The following WWP1 variants were observed in gnomAD, a reference collection of about 807,000 sequenced individuals.
WWP1 encodes the protein NEDD4-like E3 ubiquitin-protein ligase WWP1.
A neutral mutation model predicts 130.6 loss-of-function variants in WWP1; 49 were observed. The ratio of observed to expected loss-of-function variants is 0.38; its 90% confidence interval spans 0.30 to 0.48. The LOEUF (loss-of-function observed/expected upper bound fraction) is 0.48, where lower values mean the gene tolerates loss of function less well. Ranked by LOEUF, WWP1 falls within the 20% of genes least tolerant of loss-of-function variation. The pLI, the probability that WWP1 is intolerant of heterozygous loss-of-function variation, is 0.99. For synonymous variants in WWP1, 332 were observed against 367.8 expected (o/e 0.90, Z 1.11); for missense variants, 809 against 1,100.6 (o/e 0.74, Z 3.75).
chr8:86,399,496 A>G (rs931688380), intron 7 of WWP1, among the ~76,000 whole-genome samples: 1 of 152,260 alleles, frequency 6.6e-6, no homozygotes, highest in South Asian at 2.1e-4. Flanking sequence ...TTGAAAAAGC[A>G]TGCTAGTATA....
At chr8:86,365,214 A>G (rs1823904870) in intron 1 of WWP1, among the ~76,000 whole-genome samples, 1 of 152,240 alleles carries the variant, frequency 6.6e-6, no homozygotes, top group Non-Finnish European at 1.5e-5. Context: ...GGGTATTCAT[A>G]CTAACTTAGG....
chr8:86,352,867 T>C (rs986337175), intron 1 of WWP1, among the ~76,000 whole-genome samples: 2 of 152,238 alleles, frequency 1.3e-5, no homozygotes, highest in Non-Finnish European at 2.9e-5. Context: ...TTAGGCTTCC[T>C]TGTTCAAAAC....
intron 24 of WWP1, among the ~76,000 whole-genome samples, chr8:86,465,566 G>A (rs946182662): frequency 4.6e-5 from 7 of 152,096 alleles, no homozygotes; most frequent in Admixed American, 3.9e-4. Flanking sequence ...CTGGGAGGTC[G>A]AGGTCGCAGT....
intron 8 of WWP1, among the ~76,000 whole-genome samples, chr8:86,410,517 CAT>C (rs1393669079): frequency 6.6e-6 from 1 of 152,022 alleles, no homozygotes; most frequent in Non-Finnish European, 1.5e-5. Flanking sequence ...GTAAAAAAAT[CAT>C]ATGCATTTGT....
Position 86,458,005 on chromosome 8 carries a change from C to G in WWP1, c.2479C>G (p.Gln827Glu). The change falls in exon 22 of 25, where the codon CAA becomes GAA. Residue 827 changes from glutamine to glutamate, a missense_variant. Physicochemically the swap from Gln to Glu is conservative, Grantham distance 29. Around this residue, in one of 3 missense-constraint regions of WWP1, gnomAD observed 450 missense variants for 674.2 expected, o/e 0.67. Coordinates refer to ENST00000517970, the MANE Select transcript of WWP1 (RefSeq NM_007013.4). ...TCGACATTATACAAGAAACAGCAAG[C>G]AAATCATTTGGTTTTGGCAGGTATT... ...VYRHYTRNSK[Q>E]IIWFWQFVKE... is the part of the protein sequence containing the mutation. The G allele has an allele frequency of 6.2e-7, 1 of 1,611,434 alleles. No individual in the cohort carries two copies. Among genetic ancestry groups the G allele is most frequent in the Non-Finnish European group, 8.5e-7 (1 of 1,178,076 alleles).
Position 86,375,666 on chromosome 8 carries a change from G to A in WWP1, c.70+1546G>A, listed in dbSNP as rs547350857. ...TGAATAGATGTAAAAAAGCTAACTA[G>A]TCTCCTTTTGCTGGACATTGGCGTT... is the stretch of plus-strand genomic sequence containing the variant. On this transcript the variant is annotated intron_variant, in intron 3 of 24. Transcript: ENST00000517970. Among the ~76,000 whole-genome samples the A allele has an allele frequency of 2.6e-5, 4 of 152,166 alleles. No homozygotes were observed. In the South Asian group the frequency reaches 8.3e-4, roughly 32 times the overall value.
rs987983093 is a variant in WWP1, at chr8:86,342,691, G to T, written c.-354G>T. 1 of 329,878 alleles carries T rather than the reference G, an allele frequency of 3.0e-6. No individual in the cohort carries two copies. Among genetic ancestry groups the T allele is most frequent in the East Asian group, 4.6e-5 (1 of 21,918 alleles). 20.4% of individuals were successfully genotyped at this position (329,878 alleles called of 1,614,324 possible). A position where few individuals can be genotyped will look rare whatever the true frequency, so the allele number is the denominator to read the frequency against. On this transcript the variant is annotated 5_prime_UTR_variant, in exon 1 of 25. Coordinates refer to ENST00000517970, the MANE Select transcript of WWP1 (RefSeq NM_007013.4). ...GAGGAAGGGAGGTGTGGGGTCGGCT[G>T]GGGGTGGCGCGTGGACGGGGTGGGG...
Position 86,381,608 on chromosome 8 carries a change from C to T in WWP1, c.313C>T (p.Leu105=). The T allele has an allele frequency of 6.2e-7, 1 of 1,603,326 alleles. No individual in the cohort carries two copies. The highest frequency in any genetic ancestry group is 1.3e-5 in the African/African-American group (1 of 74,308). The change falls in exon 5 of 25, where the codon CTG becomes TTG. Residue 105 remains leucine (L), a synonymous_variant. Coordinates refer to ENST00000517970, the MANE Select transcript of WWP1 (RefSeq NM_007013.4). ...GKATIDLKQA[L]LIHNRKLERV... is the part of the protein sequence containing the mutation. ...AGCAACGATAGATTTGAAACAAGCT[C>T]TGTTGATACACAATAGAAAATGTAA...
chr8:86,376,207 T>C (rs972915739), intron 3 of WWP1, among the ~76,000 whole-genome samples: 2 of 152,222 alleles, frequency 1.3e-5, no homozygotes, highest in Non-Finnish European at 2.9e-5. Flanking sequence ...GTAGGACCAA[T>C]GGACAGTACA....
At position 86,461,754 on chromosome 8, in the gene WWP1, G is replaced by C; in HGVS notation, c.2597-20G>C. 1.9e-6 allele frequency: 3 copies of C among 1,608,344 alleles called. No individual in the cohort carries two copies. The East Asian group carries it at 6.7e-5, about 36-fold the overall frequency. On this transcript the variant is annotated intron_variant, in intron 23 of 24. Coordinates refer to ENST00000517970, the MANE Select transcript of WWP1 (RefSeq NM_007013.4). ...AAGTTTAAAGGACCAGATAAACTTT[G>C]TCTTATTTTCTTGGTGTAGGAAGTA...
chr8:86,437,756 CAT>C (rs954072757), intron 16 of WWP1, among the ~76,000 whole-genome samples: 7 of 152,154 alleles, frequency 4.6e-5, no homozygotes, highest in African/African-American at 1.7e-4. Flanking sequence ...TCAGTTAACA[CAT>C]AGAGTCAGTT....
intron 5 of WWP1, among the ~76,000 whole-genome samples, chr8:86,392,313 A>G (rs572344931): frequency 2.4e-4 from 37 of 152,254 alleles, no homozygotes; most frequent in Non-Finnish European, 4.6e-4. Context: ...GAAATAGTAT[A>G]GCTAACATAC....
intron 18 of WWP1, among the ~76,000 whole-genome samples, chr8:86,445,966 C>G (rs1205963226): frequency 8.8e-6 from 1 of 113,150 alleles, no homozygotes; most frequent in Non-Finnish European, 1.8e-5. Flanking sequence ...CTTTTCTTTT[C>G]TTTTCTTTTC....
intron 24 of WWP1, among the ~76,000 whole-genome samples, chr8:86,465,118 C>G (rs926517960): frequency 1.3e-5 from 2 of 151,990 alleles, no homozygotes; most frequent in Non-Finnish European, 2.9e-5. Context: ...AGAGAATAGG[C>G]AAGTATTCAT....
chr8:86,449,809 A>G (rs1811076530), intron 20 of WWP1, among the ~76,000 whole-genome samples: 1 of 152,202 alleles, frequency 6.6e-6, no homozygotes. Flanking sequence ...TGGATTATAC[A>G]CATTACTCCG....
At position 86,401,919 on chromosome 8, in the gene WWP1, A is replaced by G. The variant is rs537670564; in HGVS notation, c.540-100A>G. On this transcript the variant is annotated intron_variant, in intron 7 of 24. Transcript: ENST00000517970. Reference sequence around the variant, plus strand: ...AAAAAATTTTAAAAAAGAAATAACAAAAAAGAAACTTAAGAGAATTTAGTA... The same window carrying G: ...AAAAAATTTTAAAAAAGAAATAACAGAAAAGAAACTTAAGAGAATTTAGTA... 4.6e-5 allele frequency: 55 copies of G among 1,200,710 alleles called. 1 individual carries two copies. In the African/African-American group the frequency reaches 9.2e-4, roughly 20 times the overall value. The allele number at this position is 1,200,710 out of a possible 1,614,324, so 74.4% of individuals were successfully genotyped here. A position where few individuals can be genotyped will look rare whatever the true frequency, so the allele number is the denominator to read the frequency against.
chr8:86,386,225 G>GT (rs1001949133), intron 5 of WWP1, among the ~76,000 whole-genome samples: 1 of 152,078 alleles, frequency 6.6e-6, no homozygotes, highest in African/African-American at 2.4e-5. Flanking sequence ...TGTTTAGTGT[G>GT]TTTTTATATT....
Position 86,413,550 on chromosome 8 carries a change from C to A in WWP1, c.1061+1676C>A, listed in dbSNP as rs528060143. ...AAGAATACTTTCGAAAGCTATGACA[C>A]GTCAGTGGATTCTGAAAGAAGAGGA... On this transcript the variant is annotated intron_variant, in intron 9 of 24. Transcript: ENST00000517970. Among the ~76,000 whole-genome samples, 52 of 152,248 alleles carry A rather than the reference C, an allele frequency of 3.4e-4. 1 individual carries two copies. The South Asian group carries it at 0.011, about 31-fold the overall frequency.
chr8:86,362,476 T>G (rs1009619595), intron 1 of WWP1, among the ~76,000 whole-genome samples: 6 of 151,292 alleles, frequency 4.0e-5, no homozygotes, highest in African/African-American at 1.2e-4. Flanking sequence ...TTCAGTAGAG[T>G]GGTGAGGGCA....
Sources: allele counts gnomAD v4.1 joint callset (sites outside exome capture counted in the v4.1 genomes callset), GRCh38; gene constraint gnomAD v4.1.1; regional missense constraint gnomAD v4.1.1; transcripts MANE v1.5; gene names NCBI Gene and HGNC (gene_info 2026-07-23, HGNC 2026-07-21).